LYRM4: variants seen among roughly 807,000 people sequenced by gnomAD.
LYRM4 encodes LYR motif containing 4, also known as LYR motif-containing protein 4.
LYRM4 carries 9 observed loss-of-function variants against 11.7 expected under a neutral mutation model. The observed-to-expected ratio is 0.77, with a 90% CI of 0.46 to 1.34. LYRM4 has a LOEUF of 1.34. Among genes scored for constraint, LYRM4 ranks in the 40% most tolerant of loss-of-function variants. LYRM4 has a pLI of 0.00. For missense variants in LYRM4, 133 were observed against 112.5 expected (o/e 1.18, Z -0.82); for synonymous variants, 42 against 40.4 (o/e 1.04, Z -0.15).
intron 2 of LYRM4, among the ~76,000 whole-genome samples, chr6:5,213,562 A>C (rs1762096663): frequency 6.6e-6 from 1 of 152,176 alleles, no homozygotes; most frequent in Non-Finnish European, 1.5e-5. Context: ...TTGGAGTCCA[A>C]ATCTTCAAGT....
intron 2 of LYRM4, chr6:5,186,942 C>T (rs1760434431): frequency 2.1e-6 from 1 of 483,790 alleles, no homozygotes; most frequent in Non-Finnish European, 2.7e-6. Flanking sequence ...TGAGATCGTT[C>T]CAATGCACTC....
intron 1 of LYRM4, among the ~76,000 whole-genome samples, chr6:5,219,771 T>C (rs1762479434): frequency 6.6e-6 from 1 of 152,038 alleles, no homozygotes; most frequent in Non-Finnish European, 1.5e-5. Flanking sequence ...CTCTTGACCA[T>C]ACCACTGAGC....
the LYRM4 span, among the ~76,000 whole-genome samples, chr6:5,075,919 C>T: frequency 6.6e-6 from 1 of 151,766 alleles, no homozygotes; most frequent in East Asian, 1.9e-4. Context: ...TCAGAGGCAC[C>T]CCCTGCTAAC....
the LYRM4 span, chr6:5,086,553 C>G: frequency 1.2e-3 from 1,769 of 1,523,130 alleles, 20 homozygotes; most frequent in African/African-American, 0.022. Context: ...GCCCTGCGGA[C>G]GCGCTCTGAG....
At chr6:5,123,600 G>T (rs898190480) in intron 2 of LYRM4, among the ~76,000 whole-genome samples, 2 of 152,230 alleles carry the variant, frequency 1.3e-5, no homozygotes, top group African/African-American at 4.8e-5. Context: ...TGTTCCCACG[G>T]CCCCTACTTA....
chr6:5,098,641 T>C (rs1233009664), downstream of LYRM4, among the ~76,000 whole-genome samples: 5 of 152,244 alleles, frequency 3.3e-5, no homozygotes, highest in African/African-American at 9.6e-5. Context: ...CTGGAAACAA[T>C]GCATGCTGCA....
chr6:5,126,511 G>A (rs1384958637), intron 2 of LYRM4, among the ~76,000 whole-genome samples: 2 of 152,148 alleles, frequency 1.3e-5, no homozygotes, highest in African/African-American at 2.4e-5. Flanking sequence ...GAAAACATAC[G>A]CCTCAGAAAC....
chr6:5,043,457 C>T, the LYRM4 span: 6 of 152,132 alleles, frequency 3.9e-5, no homozygotes, highest in African/African-American at 1.4e-4. Context: ...CTATTTAGGG[C>T]AAATGATGGC....
chr6:5,121,917 G>C (rs1763474410), intron 2 of LYRM4, among the ~76,000 whole-genome samples: 1 of 152,222 alleles, frequency 6.6e-6, no homozygotes, highest in Admixed American at 6.5e-5. Context: ...GAATGAGCAA[G>C]TTCTTGATGG....
In LYRM4 at chr6:5,260,901, ACGGCGCCAGGCGTCCCGCGCCGCTT is replaced by A; in HGVS notation, c.-193_-169del. On this transcript the variant is annotated 5_prime_UTR_variant, in exon 1 of 3. Transcript: ENST00000330636. ...AAGCGGGCAGCCCTGCGGATCGCGGACGGCGCCAGGCGTCCCGCGCCGCTTCGGGGGCGGGCGCAGGCAGGGCTCG... is the reference window on the plus strand; with the variant it reads ...AAGCGGGCAGCCCTGCGGATCGCGGACGGGGGCGGGCGCAGGCAGGGCTCG... 1.4e-6 allele frequency: 2 copies of A among 1,392,336 alleles called. No homozygotes were observed. The highest frequency in any genetic ancestry group is 1.6e-5 in the South Asian group (1 of 63,520). The allele number at this position is 1,392,336 out of a possible 1,614,324, so 86.2% of individuals were successfully genotyped here. A position where few individuals can be genotyped will look rare whatever the true frequency, so the allele number is the denominator to read the frequency against.
intron 2 of LYRM4, among the ~76,000 whole-genome samples, chr6:5,173,216 T>C (rs1759529279): frequency 1.3e-5 from 2 of 152,244 alleles, no homozygotes; most frequent in Non-Finnish European, 2.9e-5. Context: ...AGAGATGTAA[T>C]GAAATTTCCT....
rs138566051 is a variant in LYRM4, at chr6:5,146,015, G to A, written c.208-36524C>T. ...TCTGCAATTAATTTTTCTCATGATT[G>A]CAATTCCTCTAGCATATATATACAT... On this transcript the variant is annotated intron_variant, in intron 2 of 2. Transcript: ENST00000330636. Among the ~76,000 whole-genome samples the A allele has an allele frequency of 1.2e-4, 18 of 152,266 alleles. No homozygotes were observed. In the East Asian group the frequency reaches 3.1e-3, roughly 26 times the overall value.
chr6:5,260,272 G>A (rs6913120), intron 1 of LYRM4, among the ~76,000 whole-genome samples: 37,681 of 152,142 alleles, frequency 0.25, 5,302 homozygotes, highest in African/African-American at 0.39. Context: ...AACTCTTCCA[G>A]TGCTCAAGGG....
At chr6:5,036,524 C>A in the LYRM4 span, among the ~76,000 whole-genome samples, 1 of 152,232 alleles carries the variant, frequency 6.6e-6, no homozygotes, top group Non-Finnish European at 1.5e-5. Flanking sequence ...GCCACCTCAG[C>A]CCCTGCTTGG....
At chr6:5,257,355 GA>G (rs1247540052) in intron 1 of LYRM4, among the ~76,000 whole-genome samples, 4 of 152,094 alleles carry the variant, frequency 2.6e-5, no homozygotes, top group Non-Finnish European at 5.9e-5. Flanking sequence ...CACCCCTTGG[GA>G]GGCCTTCTAG....
At chr6:5,129,280 C>A (rs899526428) in intron 2 of LYRM4, among the ~76,000 whole-genome samples, 1 of 152,204 alleles carries the variant, frequency 6.6e-6, no homozygotes, top group African/African-American at 2.4e-5. Context: ...AAAATTACCC[C>A]CAAACAGGTG....
intron 1 of LYRM4, among the ~76,000 whole-genome samples, chr6:5,257,223 T>A (rs555620946): frequency 6.6e-6 from 1 of 152,132 alleles, no homozygotes; most frequent in East Asian, 1.9e-4. Context: ...TCAGTGGCCC[T>A]CTCCAACCTC....
chr6:5,174,236 G>T (rs976088346), intron 2 of LYRM4, among the ~76,000 whole-genome samples: 1 of 152,000 alleles, frequency 6.6e-6, no homozygotes, highest in African/African-American at 2.4e-5. Context: ...AGCTTACAAC[G>T]CATTTTGCAG....
intron 2 of LYRM4, among the ~76,000 whole-genome samples, chr6:5,198,588 C>T (rs191185178): frequency 1.1e-4 from 17 of 152,298 alleles, no homozygotes; most frequent in Admixed American, 5.2e-4. Context: ...AGGATTCTTA[C>T]CCAGAGCTCC....
Sources: allele counts gnomAD v4.1 joint callset (sites outside exome capture counted in the v4.1 genomes callset), GRCh38; gene constraint gnomAD v4.1.1; transcripts MANE v1.5; gene names NCBI Gene and HGNC (gene_info 2026-07-23, HGNC 2026-07-21).